MTUS2: variants seen among roughly 807,000 people sequenced by gnomAD.
The protein encoded by MTUS2 is microtubule-associated tumor suppressor candidate 2.
A neutral mutation model predicts 114.1 loss-of-function variants in MTUS2; 40 were observed. The observed-to-expected ratio is 0.35, with a 90% confidence interval of 0.27 to 0.46. MTUS2 has a LOEUF of 0.46. Among genes scored for constraint, MTUS2 ranks in the 20% least tolerant of loss-of-function variants. The probability of loss-of-function intolerance (pLI) is 1.00; values close to 1 mark genes in which losing one functional copy is unlikely to be tolerated. For missense variants in MTUS2, 1,679 were observed against 1,705.4 expected (o/e 0.98, Z 0.27); for synonymous variants, 688 against 672.0 (o/e 1.02, Z -0.37).
chr13:28,876,831 G>A (rs1210071645), intron 2 of MTUS2, among the ~76,000 whole-genome samples: 2 of 152,068 alleles, frequency 1.3e-5, no homozygotes, highest in African/African-American at 4.8e-5. Flanking sequence ...TCTTTGTTAT[G>A]TCCCCCATAC....
At chr13:29,042,600 C>G (rs778377058) in intron 4 of MTUS2, among the ~76,000 whole-genome samples, 19 of 152,014 alleles carry the variant, frequency 1.2e-4, no homozygotes, top group Admixed American at 5.2e-4. Context: ...TGGTCCTGGA[C>G]TTTTTCTTGT....
At chr13:29,311,170 C>T (rs537731250) in intron 6 of MTUS2, among the ~76,000 whole-genome samples, 1 of 152,270 alleles carries the variant, frequency 6.6e-6, no homozygotes. Flanking sequence ...AAACAGACTT[C>T]AGGATATTGT....
rs775863792 is a variant in MTUS2 at position 28,935,006 on chromosome 13, G to GTTT, written c.-242-89426_-242-89424dup. Reference sequence around the variant, plus strand: ...TGACCACTTGTTTCATCTCCATAGCGTTTTTTTTTTTTTTTTTTTTTTTTT... The same window carrying GTTT: ...TGACCACTTGTTTCATCTCCATAGCGTTTTTTTTTTTTTTTTTTTTTTTTTTTT... On this transcript the variant is annotated intron_variant, in intron 2 of 15. Coordinates refer to ENST00000612955, the MANE Select transcript of MTUS2 (RefSeq NM_001033602.4). Among the ~76,000 whole-genome samples the GTTT allele has an allele frequency of 1.5e-3, 63 of 41,448 alleles. 16 individuals carry two copies. Among genetic ancestry groups the GTTT allele is most frequent in the African/African-American group, 5.7e-3 (46 of 8,058 alleles). 27.2% of individuals were successfully genotyped at this position (41,448 alleles called of 152,430 possible). A position where few individuals can be genotyped will look rare whatever the true frequency, so the allele number is the denominator to read the frequency against.
intron 8 of MTUS2, among the ~76,000 whole-genome samples, chr13:29,361,878 A>G (rs1870285863): frequency 6.6e-6 from 1 of 152,218 alleles, no homozygotes; most frequent in Non-Finnish European, 1.5e-5. Flanking sequence ...TCTTTTGTAC[A>G]CTGTAGCATA....
intron 5 of MTUS2, among the ~76,000 whole-genome samples, chr13:29,267,220 G>A (rs9508327): frequency 0.36 from 54,174 of 152,056 alleles, 10,052 homozygotes; most frequent in East Asian, 0.53. Context: ...CTGATGCTTT[G>A]TTTCTAGGTT....
chr13:29,211,139 G>C (rs1255851143), intron 5 of MTUS2, among the ~76,000 whole-genome samples: 1 of 152,140 alleles, frequency 6.6e-6, no homozygotes, highest in Non-Finnish European at 1.5e-5. Context: ...CGGTGGGTGG[G>C]CTTCCTGTGG....
chr13:29,030,226 A>G (rs1181663006), intron 3 of MTUS2, among the ~76,000 whole-genome samples: 11 of 152,132 alleles, frequency 7.2e-5, no homozygotes, highest in Non-Finnish European at 1.5e-4. Flanking sequence ...ACTCAAGGAA[A>G]TGGGATTGTA....
intron 6 of MTUS2, among the ~76,000 whole-genome samples, chr13:29,286,678 C>CTATCTATCTATA (rs1555261578): frequency 1.4e-4 from 21 of 151,028 alleles, no homozygotes; most frequent in South Asian, 1.3e-3. Flanking sequence ...GTCTGTCTAT[C>CTATCTATCTATA]TATCTATCTA....
At chr13:29,243,764 T>C (rs1175042412) in intron 5 of MTUS2, among the ~76,000 whole-genome samples, 1 of 152,124 alleles carries the variant, frequency 6.6e-6, no homozygotes, top group African/African-American at 2.4e-5. Context: ...AGAAAGCAGT[T>C]GGGGGGATGC....
At chr13:29,233,460 A>G (rs1199219821) in intron 5 of MTUS2, among the ~76,000 whole-genome samples, 1 of 152,164 alleles carries the variant, frequency 6.6e-6, no homozygotes, top group African/African-American at 2.4e-5. Flanking sequence ...GTCGACATTC[A>G]TGATTGATGT....
chr13:29,137,230 T>C (rs184635233), intron 5 of MTUS2, among the ~76,000 whole-genome samples: 1 of 152,362 alleles, frequency 6.6e-6, no homozygotes, highest in African/African-American at 2.4e-5. Context: ...GATAATCTTA[T>C]TGAGGATCCC....
intron 4 of MTUS2, among the ~76,000 whole-genome samples, chr13:29,043,449 G>T (rs1887464941): frequency 6.6e-6 from 1 of 152,132 alleles, no homozygotes; most frequent in African/African-American, 2.4e-5. Flanking sequence ...AAGTCCATTT[G>T]TTCTAGGGTA....
At chr13:29,152,036 C>T (rs377269492) in intron 5 of MTUS2, among the ~76,000 whole-genome samples, 8 of 152,006 alleles carry the variant, frequency 5.3e-5, no homozygotes, top group Non-Finnish European at 7.4e-5. Flanking sequence ...AGGATGATGC[C>T]GGCTTCATAG....
At chr13:29,494,357 T>C (rs1882389527) in intron 12 of MTUS2, among the ~76,000 whole-genome samples, 1 of 152,184 alleles carries the variant, frequency 6.6e-6, no homozygotes, top group African/African-American at 2.4e-5. Flanking sequence ...CCAGCCCAAG[T>C]TAGTTGCAAT....
chr13:29,105,663 TTCC>T (rs1890633404), intron 5 of MTUS2, among the ~76,000 whole-genome samples: 1 of 140,358 alleles, frequency 7.1e-6, no homozygotes, highest in Admixed American at 7.1e-5. Flanking sequence ...TTTTCTTTTT[TTCC>T]TGGTGCACAG....
At chr13:29,039,248 C>T (rs1297083230) in intron 4 of MTUS2, among the ~76,000 whole-genome samples, 1 of 152,218 alleles carries the variant, frequency 6.6e-6, no homozygotes, top group Non-Finnish European at 1.5e-5. Context: ...GCTCAGGTAG[C>T]TGCCCATGAC....
chr13:29,146,463 A>T lies in MTUS2; in HGVS notation c.2644+45493A>T, dbSNP rs1892437397. Among the ~76,000 whole-genome samples, 4 of 151,082 alleles carry T rather than the reference A, an allele frequency of 2.6e-5. No individual in the cohort carries two copies. In the South Asian group the frequency reaches 8.3e-4, roughly 31 times the overall value. The stretch of plus-strand genomic sequence containing the variant: ...CCAAAGATTTCAGCTCTTTATACAG[A>T]TGTTTAGAACAACAATGTCTGAACA... On this transcript the variant is annotated intron_variant, in intron 5 of 15. Transcript: ENST00000612955.
At chr13:28,967,282 A>G (rs1328384299) in intron 2 of MTUS2, among the ~76,000 whole-genome samples, 1 of 152,062 alleles carries the variant, frequency 6.6e-6, no homozygotes, top group East Asian at 1.9e-4. Flanking sequence ...CTTGTGCACC[A>G]TTTTACTATT....
intron 6 of MTUS2, among the ~76,000 whole-genome samples, chr13:29,309,742 A>G (rs1000304566): frequency 3.9e-5 from 6 of 152,124 alleles, no homozygotes; most frequent in Non-Finnish European, 7.3e-5. Context: ...TGCATGCTTA[A>G]TAAGGGCCTG....
Sources: gnomAD v4.1 joint callset for allele counts (sites outside exome capture counted in the v4.1 genomes callset) on GRCh38, gnomAD v4.1.1 for gene constraint, MANE v1.5 for transcripts, NCBI Gene and HGNC (gene_info 2026-07-23, HGNC 2026-07-21) for gene names.